Variants in VPS41 observed in about 807,000 individuals in gnomAD.
VPS41 encodes VPS41 subunit of HOPS complex, also known as vacuolar protein sorting-associated protein 41 homolog.
VPS41 carries 85 observed loss-of-function variants against 130.9 expected under a neutral mutation model. The ratio of observed to expected loss-of-function variants is 0.65; its 90% CI spans 0.55 to 0.78. VPS41 has a LOEUF of 0.78. Among genes scored for constraint, VPS41 ranks in the 30% least tolerant of loss-of-function variants. VPS41 has a pLI of 0.00. For missense variants in VPS41, 874 were observed against 1,018.7 expected (o/e 0.86, Z 1.93); for synonymous variants, 335 against 332.9 (o/e 1.01, Z -0.07).
intron 4 of VPS41, among the ~76,000 whole-genome samples, chr7:38,857,337 T>C (rs988578897): frequency 6.6e-6 from 1 of 152,226 alleles, no homozygotes; most frequent in Non-Finnish European, 1.5e-5. Flanking sequence ...TCTCTTACTA[T>C]AGTGCCTTAC....
At chr7:38,908,141 G>T (rs1447834468) in intron 1 of VPS41, among the ~76,000 whole-genome samples, 1 of 152,144 alleles carries the variant, frequency 6.6e-6, no homozygotes, top group Non-Finnish European at 1.5e-5. Context: ...CTAGGTAAAT[G>T]ACTCTTATGA....
At chr7:38,840,365 T>C (rs906621310) in intron 4 of VPS41, among the ~76,000 whole-genome samples, 1 of 152,186 alleles carries the variant, frequency 6.6e-6, no homozygotes, top group African/African-American at 2.4e-5. Flanking sequence ...AAATAGGCTA[T>C]AAAAACATGA....
At chr7:38,800,462 A>G (rs1162273816) in intron 7 of VPS41, among the ~76,000 whole-genome samples, 1 of 152,198 alleles carries the variant, frequency 6.6e-6, no homozygotes, top group African/African-American at 2.4e-5. Context: ...ATTAATGGGA[A>G]TGAAAATCCA....
intron 17 of VPS41, among the ~76,000 whole-genome samples, chr7:38,758,817 C>T (rs1367280151): frequency 6.6e-6 from 1 of 152,132 alleles, no homozygotes; most frequent in African/African-American, 2.4e-5. Context: ...GTGTTTAAAT[C>T]AATCATGTCT....
intron 28 of VPS41, 75 bp downstream of exon 28, chr7:38,726,834 G>C: frequency 7.7e-7 from 1 of 1,301,112 alleles, no homozygotes. Flanking sequence ...AAGGATGAAG[G>C]GTTACAGTTT....
intron 2 of VPS41, among the ~76,000 whole-genome samples, chr7:38,890,605 G>A (rs1471837907): frequency 6.6e-6 from 1 of 152,154 alleles, no homozygotes; most frequent in Non-Finnish European, 1.5e-5. Flanking sequence ...ATTTCCTGGC[G>A]TGATATTGTA....
At chr7:38,737,517 G>C (rs10251912) in intron 25 of VPS41, among the ~76,000 whole-genome samples, 98,029 of 152,064 alleles carry the variant, frequency 0.64, 32,894 homozygotes, top group Admixed American at 0.78. Flanking sequence ...AATTGTAGGA[G>C]GCAGAGCAGC....
chr7:38,820,035 T>C (rs1584411557), intron 6 of VPS41, among the ~76,000 whole-genome samples: 1 of 152,104 alleles, frequency 6.6e-6, no homozygotes, highest in East Asian at 1.9e-4. Flanking sequence ...TACTCAAACA[T>C]ACCCTACTGC....
chr7:38,859,506 C>A (rs1233904079), intron 4 of VPS41, among the ~76,000 whole-genome samples: 1 of 152,050 alleles, frequency 6.6e-6, no homozygotes, highest in East Asian at 1.9e-4. Flanking sequence ...TTTATGGTAT[C>A]ATTTCTATAT....
chr7:38,803,697 G>A (rs559480730), intron 7 of VPS41, among the ~76,000 whole-genome samples: 2 of 152,282 alleles, frequency 1.3e-5, no homozygotes, highest in African/African-American at 4.8e-5. Flanking sequence ...AGTCAAGAAG[G>A]CAAGTGAGAA....
Position 38,797,983 on chromosome 7 carries a change from A to G in VPS41, c.451-1119T>C, listed in dbSNP as rs140005584. On this transcript the variant is annotated intron_variant, in intron 7 of 28. Transcript: ENST00000310301. ...TTCACAACTTCCACAGGGAGACTGGAGGCAGGGATTCTTCTGACCATACTT... is the reference window on the plus strand; with the variant it reads ...TTCACAACTTCCACAGGGAGACTGGGGGCAGGGATTCTTCTGACCATACTT... 2.6e-5 allele frequency among the ~76,000 whole-genome samples: 4 copies of G among 152,292 alleles called. No individual in the cohort carries two copies. In the East Asian group the frequency reaches 7.7e-4, roughly 29 times the overall value.
At chr7:38,755,198 C>T (rs1783765855) in intron 19 of VPS41, among the ~76,000 whole-genome samples, 1 of 148,938 alleles carries the variant, frequency 6.7e-6, no homozygotes. Flanking sequence ...TACAAAACAT[C>T]TTGACTGCCC....
intron 10 of VPS41, among the ~76,000 whole-genome samples, chr7:38,785,096 TC>T (rs35887000): frequency 2.8e-4 from 43 of 152,336 alleles, no homozygotes; most frequent in African/African-American, 9.1e-4. Flanking sequence ...AGTGTCTTAT[TC>T]CCAAGAGATT....
rs1783687806 is a variant in VPS41 at position 38,752,181 on chromosome 7, C to G, written c.1921G>C (p.Glu641Gln). The change falls in exon 22 of 29, where the codon GAA (glutamate) becomes CAA (glutamine). Residue 641 changes from glutamate to glutamine, a missense_variant. Glu to Gln is a conservative substitution (Grantham distance 29, BLOSUM62 2). Transcript: ENST00000310301. ...TCGGGGAGTCTGTGCCTTACCTTTT[C>G]AAGTGGGCAATGGGTACTGTCTCGG... is the stretch of plus-strand genomic sequence containing the variant. ...FLRDSTHCPL[E>Q]KALEICQQRN... The G allele has an allele frequency of 1.2e-6, 2 of 1,613,614 alleles. No individual in the cohort carries two copies. Among genetic ancestry groups the G allele is most frequent in the African/African-American group, 2.7e-5 (2 of 74,864 alleles).
At chr7:38,767,178 C>CTGGG (rs1302832990) in intron 15 of VPS41, among the ~76,000 whole-genome samples, 1 of 152,090 alleles carries the variant, frequency 6.6e-6, no homozygotes, top group Non-Finnish European at 1.5e-5. Flanking sequence ...TAGCTCTGAC[C>CTGGG]TGGGAGTCTC....
At chr7:38,891,434 T>A (rs2116416454) in intron 2 of VPS41, among the ~76,000 whole-genome samples, 1 of 152,306 alleles carries the variant, frequency 6.6e-6, no homozygotes, top group Middle Eastern at 3.4e-3. Flanking sequence ...AACCAGTATA[T>A]ATCCTAAATC....
chr7:38,821,421 A>G (rs1308046472), intron 5 of VPS41, among the ~76,000 whole-genome samples, 156 bp from the exon 6 acceptor site: 1 of 152,180 alleles, frequency 6.6e-6, no homozygotes, highest in Non-Finnish European at 1.5e-5. Flanking sequence ...CAATCCCATC[A>G]GCCACGTACG....
chr7:38,780,544 A>G (rs1784337845), intron 10 of VPS41, among the ~76,000 whole-genome samples: 1 of 152,222 alleles, frequency 6.6e-6, no homozygotes, highest in Admixed American at 6.5e-5. Flanking sequence ...AATTCTATTC[A>G]GCAAGGTCTT....
chr7:38,774,049 G>C (rs896774077), intron 12 of VPS41, 66 bp downstream of exon 12: 4 of 1,417,380 alleles, frequency 2.8e-6, no homozygotes, highest in South Asian at 1.4e-5. Flanking sequence ...TCCATTTATT[G>C]CAAGTAGGAA....
Sources: allele counts gnomAD v4.1 joint callset (sites outside exome capture counted in the v4.1 genomes callset), GRCh38; gene constraint gnomAD v4.1.1; transcripts MANE v1.5; gene names NCBI Gene and HGNC (gene_info 2026-07-23, HGNC 2026-07-21).